The following FREM3 variants were observed in gnomAD, a reference collection of about 807,000 sequenced individuals.
The protein encoded by FREM3 is FRAS1-related extracellular matrix protein 3.
In FREM3, 105 loss-of-function variants were observed where a neutral mutation model predicts 129.1. The ratio of observed to expected loss-of-function variants is 0.81; its 90% CI spans 0.69 to 0.96. The LOEUF (loss-of-function observed/expected upper bound fraction) is 0.96. FREM3 is among the 40% of genes least tolerant of loss of function. The probability of loss-of-function intolerance (pLI) is 0.00; values close to 1 mark genes in which losing one functional copy is unlikely to be tolerated. For synonymous variants in FREM3, 1,014 were observed against 1,044.9 expected (o/e 0.97, Z 0.57); for missense variants, 2,593 against 2,666.3 (o/e 0.97, Z 0.61).
intron 2 of FREM3, among the ~76,000 whole-genome samples, chr4:143,642,584 T>A (rs959016809): frequency 6.6e-6 from 1 of 152,024 alleles, no homozygotes; most frequent in Non-Finnish European, 1.5e-5. Flanking sequence ...GATAGCCAAA[T>A]GCAGAAGAAT....
chr4:143,580,717 C>T (rs942682588), intron 7 of FREM3, among the ~76,000 whole-genome samples: 20 of 152,242 alleles, frequency 1.3e-4, no homozygotes, highest in Non-Finnish European at 2.9e-4. Context: ...CAGCCCTGCA[C>T]TTCTCTGGGA....
At chr4:143,652,096 A>G (rs1051929386) in intron 2 of FREM3, among the ~76,000 whole-genome samples, 2 of 126,996 alleles carry the variant, frequency 1.6e-5, no homozygotes, top group African/African-American at 5.3e-5. Context: ...GGTGTGCCCT[A>G]AATATATAAA....
intron 2 of FREM3, among the ~76,000 whole-genome samples, chr4:143,672,612 G>T (rs1740020470): frequency 6.6e-6 from 1 of 152,184 alleles, no homozygotes; most frequent in African/African-American, 2.4e-5. Context: ...GGCGTTCTCT[G>T]TATTTCTTGA....
At chr4:143,651,752 G>A (rs1487529830) in intron 2 of FREM3, among the ~76,000 whole-genome samples, 2 of 152,172 alleles carry the variant, frequency 1.3e-5, no homozygotes, top group Admixed American at 6.5e-5. Context: ...GCTTTAACCT[G>A]TGAGAAAATA....
intron 6 of FREM3, among the ~76,000 whole-genome samples, chr4:143,603,417 C>T (rs1738609248): frequency 2.6e-5 from 4 of 152,124 alleles, no homozygotes; most frequent in Admixed American, 2.0e-4. Context: ...TGGCAATCAA[C>T]TGTTATTGTT....
intron 1 of FREM3, among the ~76,000 whole-genome samples, chr4:143,695,138 T>C (rs1740541642): frequency 6.6e-6 from 1 of 152,244 alleles, no homozygotes; most frequent in Middle Eastern, 3.2e-3. Context: ...ACAAATGATT[T>C]CTATATGTCA....
In FREM3 at chr4:143,624,334, A is replaced by G. The variant is rs1435923585; in HGVS notation, c.5427T>C (p.Ile1809=). The part of the protein sequence containing the change: ...GYLGETSFIS[I]GTKDETAKKD... ...TTTTTGCAGTTTCATCTTTGGTACCAATGCCTGAATAAAAATCAGAAAACT... is the reference window on the plus strand; with the variant it reads ...TTTTTGCAGTTTCATCTTTGGTACCGATGCCTGAATAAAAATCAGAAAACT... Residue 1809 remains isoleucine (I), a synonymous_variant, in exon 4 of 8, where the codon ATT becomes ATC. Transcript: ENST00000329798. The G allele has an allele frequency of 6.6e-7, 1 of 1,523,724 alleles. No individual in the cohort carries two copies. The highest frequency in any genetic ancestry group is 1.4e-5 in the African/African-American group (1 of 72,632). The allele number at this position is 1,523,724 out of a possible 1,614,324, so 94.4% of individuals were successfully genotyped here. A position where few individuals can be genotyped will look rare whatever the true frequency, so the allele number is the denominator to read the frequency against.
Position 143,695,494 on chromosome 4 carries a change from G to A in FREM3, c.5182C>T (p.Gln1728Ter). Residue 1728 changes from glutamine (Q) to a stop codon, truncating the protein, a stop_gained, in exon 1 of 8, where the codon CAA becomes TAA. Coordinates refer to ENST00000329798, the MANE Select transcript of FREM3 (RefSeq NM_001168235.2). LOFTEE classifies it high-confidence loss of function. ...LGNQSTRVFT[Q>*]ADIDEMKISY... ...GCAGGGAAGAATACATACTAACCTT[G>A]TGTAAACACTCGAGTGCTCTGGTTT... 1 of 1,536,274 alleles carries A rather than the reference G, an allele frequency of 6.5e-7. No individual in the cohort carries two copies. Among genetic ancestry groups the A allele is most frequent in the Non-Finnish European group, 8.7e-7 (1 of 1,146,250 alleles).
Position 143,696,817 on chromosome 4 carries a change from C to T in FREM3, c.3859G>A (p.Gly1287Ser), listed in dbSNP as rs757289950. 24 of 1,537,754 alleles carry T rather than the reference C, an allele frequency of 1.6e-5. No homozygotes were observed. In the Admixed American group the frequency reaches 1.6e-4, roughly 10 times the overall value. Residue 1287 changes from glycine (G) to serine (S), a missense_variant, in exon 1 of 8, where the codon GGC (glycine) becomes AGC (serine). By Grantham distance (56) the Gly-to-Ser change is moderately conservative. Transcript: ENST00000329798. Reference protein sequence around the residue: ...EDSFEVWLSDGKHTTHRKVPI... With the variant: ...EDSFEVWLSDSKHTTHRKVPI... ...ACCTTCCTGTGGGTTGTGTGCTTGC[C>T]GTCACTCAGCCAGACCTCAAAACTG...
At chr4:143,589,638 C>G (rs1164523305) in intron 6 of FREM3, among the ~76,000 whole-genome samples, 1 of 152,202 alleles carries the variant, frequency 6.6e-6, no homozygotes, top group East Asian at 1.9e-4. Context: ...GTTTTGGTTA[C>G]TGTAGCCTTG....
At chr4:143,644,696 A>G (rs1390485366) in intron 2 of FREM3, among the ~76,000 whole-genome samples, 2 of 152,240 alleles carry the variant, frequency 1.3e-5, no homozygotes, top group African/African-American at 4.8e-5. Context: ...ATAATTTTTA[A>G]AAAAGCATTT....
chr4:143,585,550 T>C lies in FREM3; in HGVS notation c.6178+294A>G, dbSNP rs1473232199. Among the ~76,000 whole-genome samples the C allele has an allele frequency of 2.0e-5, 3 of 152,348 alleles. No homozygotes were observed. The East Asian group carries it at 5.8e-4, about 29-fold the overall frequency. Reference sequence around the variant, plus strand: ...TATGGGGGTAATTTCATCTGAAATATTGTTTATGAGCAGCTTTAGGTATCT... The same window carrying C: ...TATGGGGGTAATTTCATCTGAAATACTGTTTATGAGCAGCTTTAGGTATCT... On this transcript the variant is annotated intron_variant, in intron 7 of 7. Coordinates refer to ENST00000329798, the MANE Select transcript of FREM3 (RefSeq NM_001168235.2). The surrounding 1 kb of genome is among the most constrained non-coding windows in gnomAD (Gnocchi z 4.2).
At chr4:143,595,723 T>C (rs779381957) in intron 6 of FREM3, among the ~76,000 whole-genome samples, 1 of 151,846 alleles carries the variant, frequency 6.6e-6, no homozygotes, top group East Asian at 1.9e-4. Context: ...CCGTCTCTAC[T>C]AAAAATACAA....
In FREM3 at chr4:143,591,278, C is replaced by T. The variant is rs928040659; in HGVS notation, c.6029-5285G>A. 6.7e-4 allele frequency among the ~76,000 whole-genome samples: 102 copies of T among 152,286 alleles called. 2 individuals carry two copies. Among genetic ancestry groups the T allele is most frequent in the Middle Eastern group, 3.4e-3 (1 of 294 alleles). On this transcript the variant is annotated intron_variant, in intron 6 of 7. Transcript: ENST00000329798. ...TATCTTAGTTATTTCTTGCCTTCTGCTAGCTTTTGAATGTGTTTGCTCTTG... is the reference window on the plus strand; with the variant it reads ...TATCTTAGTTATTTCTTGCCTTCTGTTAGCTTTTGAATGTGTTTGCTCTTG...
chr4:143,601,596 C>T (rs980392712), intron 6 of FREM3, among the ~76,000 whole-genome samples: 11 of 152,104 alleles, frequency 7.2e-5, no homozygotes, highest in Non-Finnish European at 1.3e-4. Context: ...TTTATCTTGC[C>T]CTTGATACAG....
chr4:143,679,591 C>T (rs1740214785), intron 2 of FREM3, among the ~76,000 whole-genome samples: 1 of 152,098 alleles, frequency 6.6e-6, no homozygotes, highest in African/African-American at 2.4e-5. Context: ...TGGATGATGT[C>T]ACTTTGCTCA....
At chr4:143,579,127 A>T (rs1476930534) in intron 7 of FREM3, among the ~76,000 whole-genome samples, 1 of 152,122 alleles carries the variant, frequency 6.6e-6, no homozygotes, top group Non-Finnish European at 1.5e-5. Flanking sequence ...TACTCCAAAA[A>T]ATTTTCTAAA....
chr4:143,607,029 C>A (rs1452519833), intron 6 of FREM3, among the ~76,000 whole-genome samples: 1 of 152,090 alleles, frequency 6.6e-6, no homozygotes, highest in East Asian at 1.9e-4. Flanking sequence ...ATAGTGTTCT[C>A]CCCTTGATTA....
Position 143,698,596 on chromosome 4 carries a change from T to C in FREM3, c.2080A>G (p.Lys694Glu). Residue 694 changes from lysine (K) to glutamate (E), a missense_variant, in exon 1 of 8, where the codon AAG becomes GAG. This residue lies in a region of FREM3 where 2,276 missense variants were observed against 2,267.2 expected (regional missense o/e 1.00). Coordinates refer to ENST00000329798, the MANE Select transcript of FREM3 (RefSeq NM_001168235.2). ...NLSKQHIFTI[K>E]VQPVDILSPQ... ...CTCAGTATATCCACTGGTTGGACCT[T>C]GATGGTGAAAATGTGCTGTTTGGAG... 6.5e-7 allele frequency: 1 copy of C among 1,537,800 alleles called. No homozygotes were observed. Among genetic ancestry groups the C allele is most frequent in the Non-Finnish European group, 8.7e-7 (1 of 1,147,024 alleles).
Sources: allele counts gnomAD v4.1 joint callset (sites outside exome capture counted in the v4.1 genomes callset), GRCh38; gene constraint gnomAD v4.1.1; regional missense constraint gnomAD v4.1.1; non-coding constraint Gnocchi (gnomAD v3.1); transcripts MANE v1.5; gene names NCBI Gene and HGNC (gene_info 2026-07-23, HGNC 2026-07-21).